The following OSBPL3 variants were observed in gnomAD, a reference collection of about 807,000 sequenced individuals.
OSBPL3 encodes the protein oxysterol binding protein like 3.
In OSBPL3, 65 loss-of-function variants were observed where a neutral mutation model predicts 120.1. That is an observed-to-expected ratio of 0.54 (90% CI 0.44 to 0.67). The LOEUF (loss-of-function observed/expected upper bound fraction) is 0.67. Ranked by LOEUF, OSBPL3 falls within the 30% of genes least tolerant of loss-of-function variation. OSBPL3 has a pLI of 0.00. For synonymous variants in OSBPL3, 416 were observed against 402.6 expected (o/e 1.03, Z -0.40); for missense variants, 1,004 against 1,082.1 (o/e 0.93, Z 1.01).
At position 24,953,640 on chromosome 7, in the gene OSBPL3, C is replaced by G. The variant is rs10246192; in HGVS notation, c.-150+26246G>C. 1.3e-5 allele frequency among the ~76,000 whole-genome samples: 2 copies of G among 152,206 alleles called. No homozygotes were observed. The highest frequency in any genetic ancestry group is 2.9e-5 in the Non-Finnish European group (2 of 68,034). On this transcript the variant is annotated intron_variant, in intron 1 of 22. Transcript: ENST00000313367. This position sits in a 1 kb window ranked among gnomAD's most constrained non-coding sequence, Gnocchi z 4.3. ...GTTCAGACAGGGAAGGAAGCTTACT[C>G]TAAACAGAAGCTGCAGATTTGTATC...
At chr7:24,969,097 G>T (rs1161745332) in intron 1 of OSBPL3, among the ~76,000 whole-genome samples, 1 of 152,206 alleles carries the variant, frequency 6.6e-6, no homozygotes, top group Non-Finnish European at 1.5e-5. Flanking sequence ...AGTTTGGACC[G>T]ATTTACATTT....
intron 1 of OSBPL3, among the ~76,000 whole-genome samples, chr7:24,927,231 A>G (rs1371255371): frequency 6.6e-6 from 1 of 152,244 alleles, no homozygotes; most frequent in Non-Finnish European, 1.5e-5. Flanking sequence ...AGGGGAATTG[A>G]CAAAAACGAA....
At position 24,940,864 on chromosome 7, in the gene OSBPL3, G is replaced by A. The variant is rs1177639174; in HGVS notation, c.-150+39022C>T. On this transcript the variant is annotated intron_variant, in intron 1 of 22. Transcript: ENST00000313367. The surrounding 1 kb of genome is among the most constrained non-coding windows in gnomAD (Gnocchi z 4.4). ...TGACGGAGTCTCGCTCTGTCGCCCA[G>A]GCTGGAGTGCACTGGCGCGATCTCG... is the stretch of plus-strand genomic sequence containing the variant. 1.3e-5 allele frequency among the ~76,000 whole-genome samples: 2 copies of A among 148,594 alleles called. No individual in the cohort carries two copies. The highest frequency in any genetic ancestry group is 1.5e-5 in the Non-Finnish European group (1 of 67,642).
rs548222057 is a variant in OSBPL3 at position 24,871,134 on chromosome 7, C to T, written c.268-289G>A. Among the ~76,000 whole-genome samples the T allele has an allele frequency of 2.0e-5, 3 of 152,286 alleles. No individual in the cohort carries two copies. Among genetic ancestry groups the T allele is most frequent in the South Asian group, 2.1e-4 (1 of 4,832 alleles). ...TGTGAGGAAACAAAAGAGTAAGCAC[C>T]GTGGGTTGACTCCCATGGCAGTGAA... On this transcript the variant is annotated intron_variant, in intron 4 of 22. Transcript: ENST00000313367. The surrounding 1 kb of genome is among the most constrained non-coding windows in gnomAD (Gnocchi z 4.8).
At chr7:24,945,990 C>T (rs1813677511) in intron 1 of OSBPL3, among the ~76,000 whole-genome samples, 1 of 152,230 alleles carries the variant, frequency 6.6e-6, no homozygotes, top group Non-Finnish European at 1.5e-5. Flanking sequence ...GGCTGGGCAG[C>T]TCTGGCTCAG....
intron 1 of OSBPL3, chr7:24,906,483 G>C (rs147455161): frequency 1.6e-3 from 343 of 213,998 alleles, no homozygotes; most frequent in African/African-American, 7.7e-3. Flanking sequence ...ACCCCATTCT[G>C]ACAGCAGTCT....
At position 24,852,701 on chromosome 7, in the gene OSBPL3, AC is replaced by A. The variant is rs1235133906; in HGVS notation, c.1028-68del. On this transcript the variant is annotated intron_variant, in intron 10 of 22. Coordinates refer to ENST00000313367, the MANE Select transcript of OSBPL3 (RefSeq NM_015550.4). This position sits in a 1 kb window ranked among gnomAD's most constrained non-coding sequence, Gnocchi z 4.1. Reference sequence around the variant, plus strand: ...AATTAAAAACAAAATACAGAAAAAAACATATCTCTTATAAAAGAAACAAGCA... The same window carrying A: ...AATTAAAAACAAAATACAGAAAAAAAATATCTCTTATAAAAGAAACAAGCA... 15 of 1,053,654 alleles carry A rather than the reference AC, an allele frequency of 1.4e-5. No homozygotes were observed. The highest frequency in any genetic ancestry group is 3.3e-5 in the African/African-American group (2 of 61,078). The allele number at this position is 1,053,654 out of a possible 1,614,324, so 65.3% of individuals were successfully genotyped here. A position where few individuals can be genotyped will look rare whatever the true frequency, so the allele number is the denominator to read the frequency against.
At chr7:24,897,644 CAT>C (rs1271536124) in intron 1 of OSBPL3, among the ~76,000 whole-genome samples, 4 of 152,204 alleles carry the variant, frequency 2.6e-5, no homozygotes, top group African/African-American at 4.8e-5. Context: ...AATCTTAAAA[CAT>C]GTGTGTCCTT....
chr7:24,814,388 G>A (rs1422161906), intron 19 of OSBPL3, among the ~76,000 whole-genome samples: 1 of 151,928 alleles, frequency 6.6e-6, no homozygotes, highest in Non-Finnish European at 1.5e-5. Flanking sequence ...CCATAAGGAT[G>A]CAGGCTTCAA....
In OSBPL3 at chr7:24,933,407, A is replaced by G. The variant is rs971352621; in HGVS notation, c.-149-40786T>C. On this transcript the variant is annotated intron_variant, in intron 1 of 22. Coordinates refer to ENST00000313367, the MANE Select transcript of OSBPL3 (RefSeq NM_015550.4). This position sits in a 1 kb window ranked among gnomAD's most constrained non-coding sequence, Gnocchi z 5.1. ...CTCTCTCAATGGACTCTGATTTGTT[A>G]CTGAATAATTTCATGGACATAACAA... is the stretch of plus-strand genomic sequence containing the variant. Among the ~76,000 whole-genome samples, 3 of 152,220 alleles carry G rather than the reference A, an allele frequency of 2.0e-5. No homozygotes were observed. Among genetic ancestry groups the G allele is most frequent in the African/African-American group, 7.2e-5 (3 of 41,444 alleles).
Position 24,863,182 on chromosome 7 carries a change from A to G in OSBPL3, c.870+18T>C. On this transcript the variant is annotated intron_variant, in intron 9 of 22. Coordinates refer to ENST00000313367, the MANE Select transcript of OSBPL3 (RefSeq NM_015550.4). This position sits in a 1 kb window ranked among gnomAD's most constrained non-coding sequence, Gnocchi z 5.8. ...GGGCCAATGAAGAAACCAGTCTGTC[A>G]GGGGAAGCAATGGTTACCTGCAGTG... The G allele has an allele frequency of 6.3e-7, 1 of 1,585,002 alleles. No individual in the cohort carries two copies. The highest frequency in any genetic ancestry group is 8.7e-7 in the Non-Finnish European group (1 of 1,153,570).
At position 24,866,189 on chromosome 7, in the gene OSBPL3, G is replaced by A. The variant is rs751485042; in HGVS notation, c.430C>T (p.His144Tyr). ...ATTTCATTCTGACGATACATTCTGT[G>A]GTGGCGAAGTTTCGATACCCACTCA... ...FDEWVSKLRHHRMYRQNEIAM... is the reference protein window; with the variant it reads ...FDEWVSKLRHYRMYRQNEIAM... The change falls in exon 6 of 23, where the codon CAC becomes TAC. Residue 144 changes from histidine to tyrosine, a missense_variant. His to Tyr is a moderately conservative substitution (Grantham distance 83). Transcript: ENST00000313367. 6.2e-7 allele frequency: 1 copy of A among 1,612,924 alleles called. No homozygotes were observed. Among genetic ancestry groups the A allele is most frequent in the Non-Finnish European group, 8.5e-7 (1 of 1,178,928 alleles).
chr7:24,839,991 CAAAAAAAAAAAAAAAA>C (rs71675250), intron 14 of OSBPL3, among the ~76,000 whole-genome samples: 2 of 53,266 alleles, frequency 3.8e-5, no homozygotes, highest in South Asian at 9.1e-4. Context: ...CTCCATCTCA[CAAAAAAAAAAAAAAAA>C]AAAAAAAAAA....
rs562052544 is a variant in OSBPL3 at position 24,879,803 on chromosome 7, A to G, written c.97-7734T>C. Among the ~76,000 whole-genome samples, 7 of 152,358 alleles carry G rather than the reference A, an allele frequency of 4.6e-5. No homozygotes were observed. The East Asian group carries it at 1.2e-3, about 25-fold the overall frequency. ...CATTAATAAAAACACTTCAATGTAC[A>G]TATGACTATTTCCACGCTGTTGATC... On this transcript the variant is annotated intron_variant, in intron 2 of 22. Coordinates refer to ENST00000313367, the MANE Select transcript of OSBPL3 (RefSeq NM_015550.4). This position sits in a 1 kb window ranked among gnomAD's most constrained non-coding sequence, Gnocchi z 5.6.
At chr7:24,917,543 T>C (rs1809858885) in intron 1 of OSBPL3, among the ~76,000 whole-genome samples, 1 of 151,154 alleles carries the variant, frequency 6.6e-6, no homozygotes, top group African/African-American at 2.4e-5. Flanking sequence ...GCTCTCACTT[T>C]TGTGGCAGTT....
chr7:24,971,260 G>A (rs1816991626), intron 1 of OSBPL3, among the ~76,000 whole-genome samples: 2 of 152,252 alleles, frequency 1.3e-5, no homozygotes. Flanking sequence ...CGTGATCATA[G>A]GAAAACTACT....
intron 2 of OSBPL3, among the ~76,000 whole-genome samples, chr7:24,880,862 A>G (rs1000964436): frequency 1.3e-5 from 2 of 152,106 alleles, no homozygotes; most frequent in Admixed American, 1.3e-4. Context: ...TTTCCTTTTT[A>G]TATCACCCAG....
intron 1 of OSBPL3, among the ~76,000 whole-genome samples, chr7:24,944,064 T>C (rs1440934547): frequency 1.4e-5 from 2 of 142,130 alleles, no homozygotes; most frequent in Non-Finnish European, 3.0e-5. Flanking sequence ...TTTAAAATTT[T>C]CCAGTCTAAA....
Position 24,883,482 on chromosome 7 carries a change from T to C in OSBPL3, c.96+8895A>G, listed in dbSNP as rs1391203655. 6.6e-6 allele frequency among the ~76,000 whole-genome samples: 1 copy of C among 152,226 alleles called. No individual in the cohort carries two copies. Among genetic ancestry groups the C allele is most frequent in the East Asian group, 1.9e-4 (1 of 5,206 alleles). On this transcript the variant is annotated intron_variant, in intron 2 of 22. Coordinates refer to ENST00000313367, the MANE Select transcript of OSBPL3 (RefSeq NM_015550.4). The surrounding 1 kb of genome is among the most constrained non-coding windows in gnomAD (Gnocchi z 5.4). ...ACATTCCATTACCTTGTACAGCTGC[T>C]ATGCTGTGCTCTCAACCAGAGCATC... is the stretch of plus-strand genomic sequence containing the variant.
Sources: gnomAD v4.1 joint callset for allele counts (sites outside exome capture counted in the v4.1 genomes callset) on GRCh38, gnomAD v4.1.1 for gene constraint, Gnocchi (gnomAD v3.1) non-coding constraint, MANE v1.5 for transcripts, NCBI Gene and HGNC (gene_info 2026-07-23, HGNC 2026-07-21) for gene names.